The following DDAH1 variants were observed in gnomAD, a reference collection of about 807,000 sequenced individuals.
DDAH1 encodes the protein dimethylarginine dimethylaminohydrolase 1.
In DDAH1, 19 loss-of-function variants were observed where a neutral mutation model predicts 28.8. The ratio of observed to expected loss-of-function variants is 0.66; its 90% CI spans 0.46 to 0.97. The LOEUF (loss-of-function observed/expected upper bound fraction) is 0.97, where lower values mean the gene tolerates loss of function less well. Among genes scored for constraint, DDAH1 ranks in the 50% least tolerant of loss-of-function variants. The pLI, the probability that DDAH1 is intolerant of heterozygous loss-of-function variation, is 0.00. For missense variants in DDAH1, 326 were observed against 375.9 expected, an observed-to-expected ratio of 0.87 and a Z score of 1.10; for synonymous variants, 153 against 154.4, an observed-to-expected ratio of 0.99 and a Z score of 0.07.
At chr1:85,478,821 T>C (rs1219627691) in intron 2 of DDAH1, among the ~76,000 whole-genome samples, 1 of 152,194 alleles carries the variant, frequency 6.6e-6, no homozygotes, top group Middle Eastern at 3.2e-3. Context: ...GGGAATAGGT[T>C]TGGCATTGTC....
chr1:85,479,170 T>TC (rs1655905924), intron 2 of DDAH1, among the ~76,000 whole-genome samples: 1 of 130,204 alleles, frequency 7.7e-6, no homozygotes, highest in African/African-American at 3.2e-5. Flanking sequence ...TTTTTTTTTT[T>TC]TTTTTTTTTT....
intron 1 of DDAH1, among the ~76,000 whole-genome samples, chr1:85,533,524 C>T (rs1240840955): frequency 2.0e-5 from 3 of 151,898 alleles, no homozygotes; most frequent in Non-Finnish European, 4.4e-5. Flanking sequence ...AATACAAGTA[C>T]AGATGGATTT....
In DDAH1 at chr1:85,353,427, A is replaced by G. The variant is rs545943786; in HGVS notation, c.404-1848T>C. Among the ~76,000 whole-genome samples, 139 of 152,324 alleles carry G rather than the reference A, an allele frequency of 9.1e-4. 1 individual carries two copies. In the Middle Eastern group the frequency reaches 0.01, roughly 11 times the overall value. On this transcript the variant is annotated intron_variant, in intron 2 of 5. Transcript: ENST00000284031. The stretch of plus-strand genomic sequence containing the variant: ...CTTTAATCTTCATAATGTCCTTATT[A>G]AACGGGCAAATGACATAGGTCAGGT...
At chr1:85,449,373 C>T (rs959007044) in intron 1 of DDAH1, among the ~76,000 whole-genome samples, 1 of 152,082 alleles carries the variant, frequency 6.6e-6, no homozygotes, top group Admixed American at 6.5e-5. Flanking sequence ...AGGTAGGAAA[C>T]CAACAAAAGG....
At chr1:85,417,323 G>A (rs1173783394) in intron 1 of DDAH1, among the ~76,000 whole-genome samples, 1 of 127,070 alleles carries the variant, frequency 7.9e-6, no homozygotes, top group Non-Finnish European at 1.8e-5. Flanking sequence ...CAGCGGGGAG[G>A]GAAGTCAGGC....
At chr1:85,541,275 A>C (rs1393051088) in intron 1 of DDAH1, among the ~76,000 whole-genome samples, 1 of 152,224 alleles carries the variant, frequency 6.6e-6, no homozygotes, top group Non-Finnish European at 1.5e-5. Flanking sequence ...CTCTGTAAGC[A>C]CTTAGGCTAA....
chr1:85,382,043 T>C (rs1651021428), intron 1 of DDAH1, among the ~76,000 whole-genome samples: 1 of 152,184 alleles, frequency 6.6e-6, no homozygotes, highest in African/African-American at 2.4e-5. Flanking sequence ...GGAGGAATTG[T>C]ACATTTCTCA....
chr1:85,554,098 A>G (rs1278258596), intron 1 of DDAH1, among the ~76,000 whole-genome samples: 1 of 152,190 alleles, frequency 6.6e-6, no homozygotes, highest in Admixed American at 6.5e-5. Context: ...GTTTTCAACC[A>G]TTCTTTTGAG....
At chr1:85,487,589 T>C (rs1656247016) in intron 2 of DDAH1, among the ~76,000 whole-genome samples, 1 of 152,238 alleles carries the variant, frequency 6.6e-6, no homozygotes, top group Admixed American at 6.5e-5. Flanking sequence ...GTTTTATTAC[T>C]TTAAAAAAGT....
At chr1:85,551,024 T>G (rs1184147197) in intron 1 of DDAH1, among the ~76,000 whole-genome samples, 1 of 152,212 alleles carries the variant, frequency 6.6e-6, no homozygotes, top group Non-Finnish European at 1.5e-5. Flanking sequence ...GCTTAGTCTA[T>G]GTATAAGCTG....
intron 1 of DDAH1, among the ~76,000 whole-genome samples, chr1:85,371,234 A>T (rs1223441672): frequency 6.6e-6 from 1 of 152,194 alleles, no homozygotes; most frequent in Non-Finnish European, 1.5e-5. Context: ...ATTGTAATGA[A>T]CTTTCCAGAG....
chr1:85,483,631 AGT>A (rs1451283761), intron 2 of DDAH1, among the ~76,000 whole-genome samples: 1 of 152,224 alleles, frequency 6.6e-6, no homozygotes, highest in Non-Finnish European at 1.5e-5. Flanking sequence ...ATTTCCATTA[AGT>A]GAGATGAATG....
intron 4 of DDAH1, among the ~76,000 whole-genome samples, chr1:85,345,098 G>A (rs1194358304): frequency 6.6e-6 from 1 of 152,020 alleles, no homozygotes; most frequent in Non-Finnish European, 1.5e-5. Context: ...GACCATGACT[G>A]CCTCCCTTCA....
At chr1:85,415,793 T>C (rs1652863175) in intron 1 of DDAH1, among the ~76,000 whole-genome samples, 1 of 152,204 alleles carries the variant, frequency 6.6e-6, no homozygotes, top group Non-Finnish European at 1.5e-5. Context: ...GGTTCACAGA[T>C]GCCTTCTAAA....
chr1:85,493,880 A>T (rs145020029), intron 2 of DDAH1: 1 of 152,238 alleles, frequency 6.6e-6, no homozygotes, highest in African/African-American at 2.4e-5. Context: ...TCATTTTATA[A>T]GAAAGGTTTA....
intron 1 of DDAH1, among the ~76,000 whole-genome samples, chr1:85,381,821 C>T (rs1045298522): frequency 6.6e-6 from 1 of 152,094 alleles, no homozygotes; most frequent in Non-Finnish European, 1.5e-5. Flanking sequence ...CTCTGTGTCA[C>T]ATTTTTGTTA....
At chr1:85,418,375 A>G (rs370941340) in intron 1 of DDAH1, among the ~76,000 whole-genome samples, 1 of 152,234 alleles carries the variant, frequency 6.6e-6, no homozygotes, top group South Asian at 2.1e-4. Context: ...CAAGAAATTT[A>G]TGAAATTCCT....
At chr1:85,392,747 C>T (rs1228300777) in intron 1 of DDAH1, among the ~76,000 whole-genome samples, 2 of 145,218 alleles carry the variant, frequency 1.4e-5, no homozygotes, top group Non-Finnish European at 3.0e-5. Context: ...GAGCCGAGAT[C>T]GCGCCACTGC....
chr1:85,480,917 C>T (rs980146601), intron 2 of DDAH1, among the ~76,000 whole-genome samples: 2 of 151,722 alleles, frequency 1.3e-5, no homozygotes, highest in Non-Finnish European at 2.9e-5. Context: ...TTAGTATGAT[C>T]ACAGTTTAAT....
Sources: gnomAD v4.1 joint callset for allele counts (sites outside exome capture counted in the v4.1 genomes callset) on GRCh38, gnomAD v4.1.1 for gene constraint, MANE v1.5 for transcripts, NCBI Gene and HGNC (gene_info 2026-07-23, HGNC 2026-07-21) for gene names.